MRPS25: variants seen among roughly 807,000 people sequenced by gnomAD.
MRPS25 encodes small ribosomal subunit protein mS25.
Under a neutral mutation model 17.3 loss-of-function variants are expected in MRPS25, and 15 were observed. That is an observed-to-expected ratio of 0.87 (90% CI 0.58 to 1.34). The LOEUF (loss-of-function observed/expected upper bound fraction) is 1.34, where lower values mean the gene tolerates loss of function less well. MRPS25 is among the 40% of genes most tolerant of loss of function. The pLI is 0.00. For missense variants in MRPS25, 225 were observed against 218.6 expected, an observed-to-expected ratio of 1.03 and a Z score of -0.19; for synonymous variants, 94 against 83.3, an observed-to-expected ratio of 1.13 and a Z score of -0.70.
intron 3 of MRPS25, among the ~76,000 whole-genome samples, chr3:15,053,030 G>C (rs2042625656): frequency 1.3e-5 from 2 of 152,160 alleles, no homozygotes; most frequent in African/African-American, 4.8e-5. Context: ...CTGTCACCAG[G>C]AGCCCTAGGG....
chr3:15,042,584 G>A (rs1377458040), downstream of MRPS25: 1 of 360,026 alleles, frequency 2.8e-6, no homozygotes, highest in African/African-American at 2.1e-5. Context: ...CTTGGTGGTG[G>A]GGGTGAGGAG....
chr3:15,062,103 C>T (rs1402826129), intron 1 of MRPS25, among the ~76,000 whole-genome samples: 1 of 143,384 alleles, frequency 7.0e-6, no homozygotes, highest in Non-Finnish European at 1.5e-5. Context: ...GGGGCTCAGC[C>T]GCCCGGCCAG....
chr3:15,042,732 G>T (rs780406001), downstream of MRPS25: 3 of 1,008,646 alleles, frequency 3.0e-6, no homozygotes, highest in Non-Finnish European at 1.5e-6. Flanking sequence ...GATCCGTTTG[G>T]TTTGATTCTG....
chr3:15,065,183 C>G lies in MRPS25; in HGVS notation c.12G>C (p.Lys4Asn), dbSNP rs761411535. The change falls in exon 1 of 4, where the codon AAG (lysine) becomes AAC (asparagine). Residue 4 changes from lysine (K) to asparagine (N), a missense_variant. Coordinates refer to ENST00000253686, the MANE Select transcript of MRPS25 (RefSeq NM_022497.5). MPM[K>N]GRFPIRRTLQ... The stretch of plus-strand genomic sequence containing the variant: ...GGGTGCGGCGGATGGGGAAGCGGCC[C>G]TTCATGGGCATGGCGGCAACGGTGG... 4 of 1,601,914 alleles carry G rather than the reference C, an allele frequency of 2.5e-6. No homozygotes were observed. Among genetic ancestry groups the G allele is most frequent in the Non-Finnish European group, 3.4e-6 (4 of 1,174,896 alleles).
intron 1 of MRPS25, among the ~76,000 whole-genome samples, chr3:15,062,136 C>A (rs1235256653): frequency 1.8e-3 from 1 of 566 alleles, no homozygotes; most frequent in Non-Finnish European, 3.5e-3. Flanking sequence ...GGAGGGAGTG[C>A]GGCGGGTCAG....
chr3:15,051,434 C>T lies in MRPS25; in HGVS notation c.*1007G>A. The T allele has an allele frequency of 2.2e-6, 2 of 919,718 alleles. No homozygotes were observed. The highest frequency in any genetic ancestry group is 2.6e-6 in the Non-Finnish European group (2 of 770,022). The allele number at this position is 919,718 out of a possible 1,614,324, so 57.0% of individuals were successfully genotyped here. On this transcript the variant is annotated 3_prime_UTR_variant, in exon 4 of 4. Transcript: ENST00000253686. ...CCTGGGCTCAACTATCCGCCCACAT[C>T]AGCCTCCCAAAGTGCTGGGATTACA...
chr3:15,050,275 G>C lies in MRPS25; in HGVS notation c.*2166C>G, dbSNP rs548571570. ...TCTCCACACGTCCTTTCAGGGTCTG[G>C]GCTGTCCACCTCACTGCCCATTGCT... On this transcript the variant is annotated 3_prime_UTR_variant, in exon 4 of 4. Coordinates refer to ENST00000253686, the MANE Select transcript of MRPS25 (RefSeq NM_022497.5). The C allele has an allele frequency of 3.6e-6, 4 of 1,116,914 alleles. No homozygotes were observed. The highest frequency in any genetic ancestry group is 2.1e-5 in the South Asian group (1 of 47,168). 69.2% of individuals were successfully genotyped at this position (1,116,914 alleles called of 1,614,324 possible). A position where few individuals can be genotyped will look rare whatever the true frequency, so the allele number is the denominator to read the frequency against.
Position 15,052,430 on chromosome 3 carries a change from G to T in MRPS25, c.*11C>A. ...AGACACCATCACCCCAGCCCACAGT[G>T]ACCGTGGGCCTTAGTCCTGGGCATC... is the stretch of plus-strand genomic sequence containing the variant. On this transcript the variant is annotated 3_prime_UTR_variant, in exon 4 of 4. Transcript: ENST00000253686. 2 of 1,607,982 alleles carry T rather than the reference G, an allele frequency of 1.2e-6. No individual in the cohort carries two copies. The highest frequency in any genetic ancestry group is 2.2e-5 in the South Asian group (2 of 90,878).
At position 15,049,825 on chromosome 3, in the gene MRPS25, G is replaced by A. The variant is rs965993971; in HGVS notation, c.*2616C>T. On this transcript the variant is annotated 3_prime_UTR_variant, in exon 4 of 4. Coordinates refer to ENST00000253686, the MANE Select transcript of MRPS25 (RefSeq NM_022497.5). ...GCTGGAATGCAGTGGTACAGTCATG[G>A]CTCACTCCAGCCTCAACCTCCTGGG... 1.9e-6 allele frequency: 2 copies of A among 1,048,750 alleles called. No individual in the cohort carries two copies. Among genetic ancestry groups the A allele is most frequent in the Non-Finnish European group, 2.8e-6 (2 of 708,704 alleles). The allele number at this position is 1,048,750 out of a possible 1,614,324, so 65.0% of individuals were successfully genotyped here.
chr3:15,052,570 A>C lies in MRPS25; in HGVS notation c.393T>G (p.Pro131=). Reference sequence around the variant, plus strand: ...TGCACTCCCGCAGGCAGTACTTTCGAGGGCCGAAGTTGGCTGGGTGAGAAA... The same window carrying C: ...TGCACTCCCGCAGGCAGTACTTTCGCGGGCCGAAGTTGGCTGGGTGAGAAA... ...KQLSHPANFG[P]RKYCLRECIC... Residue 131 remains proline (P), a synonymous_variant, in exon 4 of 4, where the codon CCT becomes CCG. Transcript: ENST00000253686. The C allele has an allele frequency of 6.2e-7, 1 of 1,614,080 alleles. No homozygotes were observed. The highest frequency in any genetic ancestry group is 8.5e-7 in the Non-Finnish European group (1 of 1,180,004).
At chr3:15,064,961 G>T in intron 1 of MRPS25, 100 bp downstream of exon 1, 1 of 1,451,184 alleles carries the variant, frequency 6.9e-7, no homozygotes, top group Non-Finnish European at 9.2e-7. Context: ...CCCGCCCCGG[G>T]GATGAACGGC....
rs545926389 is a variant in MRPS25, at chr3:15,059,479, C to T, written c.135-4G>A. 2.2e-5 allele frequency: 35 copies of T among 1,596,918 alleles called. No individual in the cohort carries two copies. The South Asian group carries it at 3.9e-4, about 18-fold the overall frequency. ...TATGTTGAAAAACACAAACTTCCTGCAAAAGGGAAGAAATGAAGCCTATGA... is the reference window on the plus strand; with the variant it reads ...TATGTTGAAAAACACAAACTTCCTGTAAAAGGGAAGAAATGAAGCCTATGA... On this transcript the variant is annotated splice_polypyrimidine_tract_variant and splice_region_variant and intron_variant, in intron 1 of 3. Coordinates refer to ENST00000253686, the MANE Select transcript of MRPS25 (RefSeq NM_022497.5).
chr3:15,056,607 A>G (rs563792828), intron 2 of MRPS25, among the ~76,000 whole-genome samples: 1 of 152,306 alleles, frequency 6.6e-6, no homozygotes, highest in South Asian at 2.1e-4. Context: ...GGCTTTGAAG[A>G]TGGTAGAATA....
At chr3:15,042,861 G>T (rs749912063), downstream of MRPS25, 2 of 1,613,890 alleles carry the variant, frequency 1.2e-6, no homozygotes, top group Admixed American at 3.3e-5. Context: ...TTCGCCTGCC[G>T]GCACTCAGGC....
In MRPS25 at chr3:15,052,408, C is replaced by T; in HGVS notation, c.*33G>A. 6.3e-7 allele frequency: 1 copy of T among 1,594,806 alleles called. No homozygotes were observed. Among genetic ancestry groups the T allele is most frequent in the Non-Finnish European group, 8.6e-7 (1 of 1,166,224 alleles). On this transcript the variant is annotated 3_prime_UTR_variant, in exon 4 of 4. Transcript: ENST00000253686. ...CATTCCAATCTCCCCACTGGTCAGA[C>T]ACCATCACCCCAGCCCACAGTGACC...
chr3:15,052,186 T>C lies in MRPS25; in HGVS notation c.*255A>G, dbSNP rs2042614549. ...CTGCTACACAGGCCTTCCTCTTCAC[T>C]AGGACCAGATACACGCCAAGCTGCT... On this transcript the variant is annotated 3_prime_UTR_variant, in exon 4 of 4. Transcript: ENST00000253686. 8.2e-7 allele frequency: 1 copy of C among 1,214,006 alleles called. No individual in the cohort carries two copies. Among genetic ancestry groups the C allele is most frequent in the Non-Finnish European group, 1.0e-6 (1 of 973,808 alleles). The allele number at this position is 1,214,006 out of a possible 1,614,324, so 75.2% of individuals were successfully genotyped here.
At chr3:15,055,479 C>G (rs1357033290) in intron 2 of MRPS25, among the ~76,000 whole-genome samples, 4 of 152,082 alleles carry the variant, frequency 2.6e-5, no homozygotes, top group African/African-American at 9.7e-5. Context: ...AGTGAGGATG[C>G]GGAGTAACAG....
At chr3:15,054,484 G>A (rs1377157987) in intron 2 of MRPS25, among the ~76,000 whole-genome samples, 1 of 152,158 alleles carries the variant, frequency 6.6e-6, no homozygotes, top group African/African-American at 2.4e-5. Flanking sequence ...AGAGGTTGCA[G>A]TGAGCTGAGA....
downstream of MRPS25, chr3:15,045,512 C>G (rs2042417959): frequency 1.3e-5 from 2 of 152,660 alleles, no homozygotes; most frequent in African/African-American, 4.8e-5. Flanking sequence ...GGGCTTTGAA[C>G]ACCTCTTGGT....
Sources: gnomAD v4.1 joint callset for allele counts (sites outside exome capture counted in the v4.1 genomes callset) on GRCh38, gnomAD v4.1.1 for gene constraint, MANE v1.5 for transcripts, NCBI Gene and HGNC (gene_info 2026-07-23, HGNC 2026-07-21) for gene names.